The following ADPGK variants were observed in gnomAD, a reference collection of about 807,000 sequenced individuals.
ADPGK encodes ADP-dependent glucokinase.
A neutral mutation model predicts 42.4 loss-of-function variants in ADPGK; 26 were observed. That is an observed-to-expected ratio of 0.61 (90% CI 0.45 to 0.85). ADPGK has a LOEUF of 0.85. ADPGK is among the 40% of genes least tolerant of loss of function. ADPGK has a pLI of 0.00. For missense variants in ADPGK, 571 were observed against 627.0 expected (o/e 0.91, Z 0.95); for synonymous variants, 267 against 252.6 (o/e 1.06, Z -0.54).
At chr15:72,776,515 T>C (rs892697226) in intron 1 of ADPGK, among the ~76,000 whole-genome samples, 2 of 152,192 alleles carry the variant, frequency 1.3e-5, no homozygotes, top group African/African-American at 4.8e-5. Flanking sequence ...GTAAAATACA[T>C]AGTTGTATTT....
intron 3 of ADPGK, among the ~76,000 whole-genome samples, chr15:72,771,277 T>C (rs1260570493): frequency 6.6e-6 from 1 of 152,172 alleles, no homozygotes; most frequent in South Asian, 2.1e-4. Context: ...TCTCATCTAG[T>C]GGCTTTTATT....
chr15:72,757,830 C>A, intron 4 of ADPGK: 1 of 391,572 alleles, frequency 2.6e-6, no homozygotes, highest in Non-Finnish European at 4.7e-6. Context: ...TGCTAGGAAA[C>A]ACGACCTAAC....
At chr15:72,777,321 A>G (rs1185579810) in intron 1 of ADPGK, among the ~76,000 whole-genome samples, 4 of 152,240 alleles carry the variant, frequency 2.6e-5, no homozygotes, top group Non-Finnish European at 4.4e-5. Flanking sequence ...ATTGTATCCA[A>G]ATGGATTTGG....
At chr15:72,769,881 G>T (rs530452021) in intron 3 of ADPGK, among the ~76,000 whole-genome samples, 1 of 152,176 alleles carries the variant, frequency 6.6e-6, no homozygotes, top group South Asian at 2.1e-4. Flanking sequence ...ATAATAAAAA[G>T]ACTTCCCTTA....
In ADPGK at chr15:72,751,934, TGAAA is replaced by T. The variant is rs553353422; in HGVS notation, c.*403_*406del. 51 of 184,396 alleles carry T rather than the reference TGAAA, an allele frequency of 2.8e-4. 1 individual carries two copies. The South Asian group carries it at 4.9e-3, about 18-fold the overall frequency. 11.4% of individuals were successfully genotyped at this position (184,396 alleles called of 1,614,324 possible). ...TGATCCTTGCCCATGGGCACTGAGC[TGAAA>T]GAAAGAGGAACCTCACATGAGGCTT... On this transcript the variant is annotated 3_prime_UTR_variant, in exon 7 of 7. Transcript: ENST00000456471.
rs556230805 is a variant in ADPGK at position 72,761,535 on chromosome 15, C to T, written c.523-1008G>A. Among the ~76,000 whole-genome samples the T allele has an allele frequency of 2.3e-4, 35 of 152,282 alleles. No individual in the cohort carries two copies. The East Asian group carries it at 5.8e-3, about 25-fold the overall frequency. ...CAACCAGAGCCTCCCTCTGGCTATTCTTTCTAGAAGCCATTTCGTATCTGT... is the reference window on the plus strand; with the variant it reads ...CAACCAGAGCCTCCCTCTGGCTATTTTTTCTAGAAGCCATTTCGTATCTGT... On this transcript the variant is annotated intron_variant, in intron 3 of 6. Transcript: ENST00000456471.
At position 72,783,589 on chromosome 15, in the gene ADPGK, G is replaced by C; in HGVS notation, c.103C>G (p.Leu35Val). The change falls in exon 1 of 7, where the codon CTC becomes GTC. Residue 35 changes from leucine (L) to valine (V), a missense_variant. Leu to Val is a conservative substitution (Grantham distance 32). Coordinates refer to ENST00000456471, the MANE Select transcript of ADPGK (RefSeq NM_001365225.1). ...PELPGSALRS[L>V]WSSLCLGPAP... ...GGCCCCAGACACAGCGAGCTCCAGA[G>C]AGAGCGCAGCGCCGAGCCTGGCAGC... is the stretch of plus-strand genomic sequence containing the variant. 3.3e-6 allele frequency: 5 copies of C among 1,516,444 alleles called. No homozygotes were observed. Among genetic ancestry groups the C allele is most frequent in the Non-Finnish European group, 4.4e-6 (5 of 1,140,334 alleles). 93.9% of individuals were successfully genotyped at this position (1,516,444 alleles called of 1,614,324 possible).
intron 3 of ADPGK, among the ~76,000 whole-genome samples, chr15:72,762,827 C>A (rs1458545140): frequency 2.0e-5 from 3 of 152,002 alleles, no homozygotes; most frequent in Admixed American, 2.0e-4. Context: ...ACCAAAAATA[C>A]AAAAAATTTA....
intron 3 of ADPGK, among the ~76,000 whole-genome samples, chr15:72,769,811 A>T (rs756930754): frequency 6.6e-6 from 1 of 152,192 alleles, no homozygotes; most frequent in Non-Finnish European, 1.5e-5. Flanking sequence ...ATTATCAGGT[A>T]TGTGATTTTC....
intron 2 of ADPGK, 71 bp from the exon 3 acceptor site, chr15:72,771,916 A>T: frequency 1.6e-6 from 2 of 1,260,742 alleles, no homozygotes; most frequent in Non-Finnish European, 2.1e-6. Context: ...ATCATTTTTT[A>T]TTTTAAAAAT....
chr15:72,776,625 G>T (rs2066395739), intron 1 of ADPGK, among the ~76,000 whole-genome samples: 1 of 152,058 alleles, frequency 6.6e-6, no homozygotes, highest in South Asian at 2.1e-4. Flanking sequence ...ATTCCTTTTA[G>T]AATTTTTAAA....
At chr15:72,778,111 T>G (rs2066411945) in intron 1 of ADPGK, among the ~76,000 whole-genome samples, 1 of 152,010 alleles carries the variant, frequency 6.6e-6, no homozygotes, top group Admixed American at 6.6e-5. Flanking sequence ...TACCTGGGTG[T>G]GGTGGTGCAC....
chr15:72,762,160 G>A (rs571731204), intron 3 of ADPGK, among the ~76,000 whole-genome samples: 3 of 151,858 alleles, frequency 2.0e-5, no homozygotes, highest in Non-Finnish European at 4.4e-5. Context: ...ATGAGCCACC[G>A]CGCCTGGCCT....
chr15:72,759,078 T>C (rs1298447306), intron 4 of ADPGK, among the ~76,000 whole-genome samples: 3 of 152,180 alleles, frequency 2.0e-5, no homozygotes, highest in East Asian at 1.9e-4. Flanking sequence ...GCTGGGATTA[T>C]AGGCGCCCGC....
chr15:72,783,319 T>G (rs1012673437), intron 1 of ADPGK, 140 bp downstream of exon 1: 2 of 1,278,280 alleles, frequency 1.6e-6, no homozygotes, highest in African/African-American at 3.1e-5. Flanking sequence ...CACTCAGACG[T>G]CCGACACTTC....
chr15:72,759,231 C>T lies in ADPGK; in HGVS notation c.643+1176G>A, dbSNP rs556450474. 3.9e-5 allele frequency among the ~76,000 whole-genome samples: 6 copies of T among 152,286 alleles called. No homozygotes were observed. In the South Asian group the frequency reaches 1.0e-3, roughly 26 times the overall value. On this transcript the variant is annotated intron_variant, in intron 4 of 6. Coordinates refer to ENST00000456471, the MANE Select transcript of ADPGK (RefSeq NM_001365225.1). ...GATTACAGGCATGAGCCACCACGTGCGGCCAGGTCATCTTTTCATCCAAGC... is the reference window on the plus strand; with the variant it reads ...GATTACAGGCATGAGCCACCACGTGTGGCCAGGTCATCTTTTCATCCAAGC...
At chr15:72,758,395 G>A in intron 4 of ADPGK, 1 of 547,120 alleles carries the variant, frequency 1.8e-6, no homozygotes, top group Non-Finnish European at 3.3e-6. Context: ...CCTGACAATG[G>A]GCTTCTCTGG....
At chr15:72,761,869 T>A (rs2066199254) in intron 3 of ADPGK, among the ~76,000 whole-genome samples, 1 of 151,910 alleles carries the variant, frequency 6.6e-6, no homozygotes, top group Non-Finnish European at 1.5e-5. Context: ...TGGCTAATTT[T>A]TTATTTATTT....
At chr15:72,763,313 G>A (rs1227577144) in intron 3 of ADPGK, among the ~76,000 whole-genome samples, 4 of 148,090 alleles carry the variant, frequency 2.7e-5, no homozygotes, top group Non-Finnish European at 5.9e-5. Flanking sequence ...CACCACACTC[G>A]GCTAATTTTT....
Sources: allele counts gnomAD v4.1 joint callset (sites outside exome capture counted in the v4.1 genomes callset), GRCh38; gene constraint gnomAD v4.1.1; transcripts MANE v1.5; gene names NCBI Gene and HGNC (gene_info 2026-07-23, HGNC 2026-07-21).